The following ETFDH variants were observed in gnomAD, a reference collection of about 807,000 sequenced individuals.
ETFDH encodes electron transfer flavoprotein dehydrogenase, also known as electron transfer flavoprotein-ubiquinone oxidoreductase, mitochondrial.
In ETFDH, 61 loss-of-function variants were observed where a neutral mutation model predicts 73.2. The ratio of observed to expected loss-of-function variants is 0.83; its 90% confidence interval spans 0.68 to 1.03. The LOEUF is 1.03. Among genes scored for constraint, ETFDH ranks in the 50% least tolerant of loss-of-function variants. The probability of loss-of-function intolerance (pLI) is 0.00; values close to 1 mark genes in which losing one functional copy is unlikely to be tolerated. For synonymous variants in ETFDH, 243 were observed against 253.3 expected (o/e 0.96, Z 0.39); for missense variants, 685 against 745.0 (o/e 0.92, Z 0.94).
Position 158,698,567 on chromosome 4 carries a change from G to T in ETFDH, c.973-420G>T, listed in dbSNP as rs555523339. On this transcript the variant is annotated intron_variant, in intron 8 of 12. Transcript: ENST00000511912. The stretch of plus-strand genomic sequence containing the variant: ...TATTAGTTTCTTTCAAATTGGTATT[G>T]ATTAATGTATAATAAATCATTACAG... 2.6e-5 allele frequency among the ~76,000 whole-genome samples: 4 copies of T among 151,970 alleles called. No individual in the cohort carries two copies. In the South Asian group the frequency reaches 8.3e-4, roughly 32 times the overall value.
At chr4:158,672,535 A>G (rs772831847) in intron 1 of ETFDH, 45 bp downstream of exon 1, 42 of 1,601,564 alleles carry the variant, frequency 2.6e-5, no homozygotes, top group Non-Finnish European at 1.8e-5. Context: ...AGTTAGGGCA[A>G]AAGGGACAAG....
intron 5 of ETFDH, among the ~76,000 whole-genome samples, chr4:158,689,787 C>T (rs1774115936): frequency 6.6e-6 from 1 of 151,426 alleles, no homozygotes; most frequent in African/African-American, 2.4e-5. Flanking sequence ...AAACAGAAAC[C>T]AAGGGTTACA....
intron 2 of ETFDH, 138 bp from the exon 3 acceptor site, chr4:158,682,057 T>C: frequency 2.7e-6 from 3 of 1,127,546 alleles, no homozygotes; most frequent in Non-Finnish European, 3.9e-6. Flanking sequence ...GTAATATGCT[T>C]AATATAATTA....
intron 1 of ETFDH, chr4:158,679,387 A>G (rs1453913123): frequency 1.3e-5 from 2 of 152,134 alleles, no homozygotes; most frequent in African/African-American, 4.8e-5. Flanking sequence ...ACAACGGGAG[A>G]GATAAGCCTT....
intron 5 of ETFDH, among the ~76,000 whole-genome samples, chr4:158,689,425 T>G (rs1004767457): frequency 3.3e-5 from 5 of 151,662 alleles, no homozygotes; most frequent in African/African-American, 1.2e-4. Flanking sequence ...TGAACACTTA[T>G]AGTCACTTGT....
rs1329982595 is a variant in ETFDH at position 158,703,469 on chromosome 4, G to C, written c.1163G>C (p.Ser388Thr). The C allele has an allele frequency of 6.2e-7, 1 of 1,612,128 alleles. No individual in the cohort carries two copies. The highest frequency in any genetic ancestry group is 1.7e-5 in the Admixed American group (1 of 60,014). Residue 388 changes from serine (S) to threonine (T), a missense_variant, in exon 10 of 13, where the codon AGT becomes ACT. Around this residue, in one of 3 missense-constraint regions of ETFDH, gnomAD observed 79 missense variants for 120.5 expected, o/e 0.66. Coordinates refer to ENST00000511912, the MANE Select transcript of ETFDH (RefSeq NM_004453.4). ...TFPGGLLIGC[S>T]PGFMNVPKIK... ...CCTGGTGGTTTACTAATTGGTTGTA[G>C]TCCTGGTTTTATGAATGTTCCCAAG...
rs1198347315 is a variant in ETFDH, at chr4:158,703,515, A to C, written c.1209A>C (p.Ala403=). The C allele has an allele frequency of 3.1e-6, 5 of 1,609,058 alleles. No homozygotes were observed. The highest frequency in any genetic ancestry group is 4.3e-6 in the Non-Finnish European group (5 of 1,175,444). Residue 403 remains alanine (A), a synonymous_variant, in exon 10 of 13, where the codon GCA becomes GCC. Transcript: ENST00000511912. Reference sequence around the variant, plus strand: ...CCAAGATCAAAGGTACTCACACAGCAATGAAAAGTGGAATTTTAGCAGCAG... The same window carrying C: ...CCAAGATCAAAGGTACTCACACAGCCATGAAAAGTGGAATTTTAGCAGCAG... ...NVPKIKGTHT[A]MKSGILAAES...
At position 158,695,619 on chromosome 4, in the gene ETFDH, A is replaced by G. The variant is rs1265381182; in HGVS notation, c.807A>G (p.Gln269=). The change falls in exon 7 of 13, where the codon CAA becomes CAG. Residue 269 remains glutamine, a synonymous_variant. Transcript: ENST00000511912. The stretch of plus-strand genomic sequence containing the variant: ...ATTTGAGAGCAAATTGTGAACCTCA[A>G]ACCTACGGGATTGGACTGAAGGAGG... The part of the protein sequence containing the change: ...KFDLRANCEP[Q]TYGIGLKELW... The G allele has an allele frequency of 1.9e-6, 3 of 1,611,838 alleles. No individual in the cohort carries two copies. The South Asian group carries it at 3.3e-5, about 18-fold the overall frequency.
At chr4:158,701,497 G>A (rs2150313314) in intron 9 of ETFDH, among the ~76,000 whole-genome samples, 1 of 152,278 alleles carries the variant, frequency 6.6e-6, no homozygotes, top group Middle Eastern at 3.4e-3. Flanking sequence ...GAAAGGACCT[G>A]GGCCCTGATC....
intron 6 of ETFDH, among the ~76,000 whole-genome samples, chr4:158,691,018 T>C (rs1774151375): frequency 6.6e-6 from 1 of 152,208 alleles, no homozygotes; most frequent in African/African-American, 2.4e-5. Context: ...TTTAGGCAAG[T>C]AGTTATAATA....
intron 10 of ETFDH, among the ~76,000 whole-genome samples, chr4:158,704,897 G>A (rs1774566126): frequency 6.6e-6 from 1 of 152,196 alleles, no homozygotes; most frequent in East Asian, 1.9e-4. Context: ...TAGCCAAGAT[G>A]GAGTGCAGTG....
At chr4:158,703,933 C>T (rs1273354994) in intron 10 of ETFDH, among the ~76,000 whole-genome samples, 1 of 152,154 alleles carries the variant, frequency 6.6e-6, no homozygotes, top group African/African-American at 2.4e-5. Flanking sequence ...CCCGTCTCTA[C>T]TAAAAATACA....
At chr4:158,696,370 G>A (rs1173071921) in intron 7 of ETFDH, among the ~76,000 whole-genome samples, 3 of 152,052 alleles carry the variant, frequency 2.0e-5, no homozygotes, top group Non-Finnish European at 4.4e-5. Context: ...GCCAGGTGTG[G>A]TGGTGCACAC....
intron 10 of ETFDH, among the ~76,000 whole-genome samples, chr4:158,704,987 T>G (rs1401516369): frequency 6.6e-6 from 1 of 152,106 alleles, no homozygotes; most frequent in Non-Finnish European, 1.5e-5. Context: ...AACTGTATCA[T>G]GTGTATATAG....
At chr4:158,673,988 G>T (rs1015823263) in intron 1 of ETFDH, among the ~76,000 whole-genome samples, 3 of 152,072 alleles carry the variant, frequency 2.0e-5, no homozygotes, top group African/African-American at 7.2e-5. Context: ...AGGGGTAAAG[G>T]TTGTGACTTT....
At chr4:158,678,712 G>A (rs1441227131) in intron 1 of ETFDH, among the ~76,000 whole-genome samples, 2 of 150,878 alleles carry the variant, frequency 1.3e-5, no homozygotes, top group Non-Finnish European at 2.9e-5. Flanking sequence ...CAGTGACGTG[G>A]TCCTAGCTCA....
At chr4:158,690,962 T>C (rs1774149971) in intron 6 of ETFDH, among the ~76,000 whole-genome samples, 1 of 152,160 alleles carries the variant, frequency 6.6e-6, no homozygotes, top group African/African-American at 2.4e-5. Flanking sequence ...AATATGGAAT[T>C]TTTCTTTCAT....
chr4:158,686,686 C>A (rs1360342096), intron 5 of ETFDH, among the ~76,000 whole-genome samples: 3 of 152,118 alleles, frequency 2.0e-5, no homozygotes, highest in African/African-American at 7.2e-5. Flanking sequence ...ATGACTCAAC[C>A]TTGAGGAAGA....
chr4:158,703,627 T>C (rs754329089), intron 10 of ETFDH, 36 bp downstream of exon 10: 2 of 1,312,964 alleles, frequency 1.5e-6, no homozygotes, highest in Non-Finnish European at 2.2e-6. Flanking sequence ...CAAAAGAAAA[T>C]TGCTGGGTTA....
Sources: gnomAD v4.1 joint callset for allele counts (sites outside exome capture counted in the v4.1 genomes callset) on GRCh38, gnomAD v4.1.1 for gene constraint, gnomAD v4.1.1 regional missense constraint, MANE v1.5 for transcripts, NCBI Gene and HGNC (gene_info 2026-07-23, HGNC 2026-07-21) for gene names.